GPC5: variants seen among roughly 807,000 people sequenced by gnomAD.
The protein encoded by GPC5 is glypican 5.
GPC5 carries 47 observed loss-of-function variants against 53.9 expected under a neutral mutation model. The ratio of observed to expected loss-of-function variants is 0.87; its 90% confidence interval spans 0.69 to 1.11. The LOEUF is 1.11. GPC5 is among the 50% of genes most tolerant of loss of function. The pLI, the probability that GPC5 is intolerant of heterozygous loss-of-function variation, is 0.00. For missense variants in GPC5, 748 were observed against 713.1 expected, an observed-to-expected ratio of 1.05 and a Z score of -0.56; for synonymous variants, 286 against 263.3, an observed-to-expected ratio of 1.09 and a Z score of -0.84.
rs530282970 is a variant in GPC5 at position 92,019,211 on chromosome 13, A to C, written c.1401+111154A>C. Among the ~76,000 whole-genome samples, 13 of 151,958 alleles carry C rather than the reference A, an allele frequency of 8.6e-5. 1 individual carries two copies. The highest frequency in any genetic ancestry group is 7.7e-4 in the East Asian group (4 of 5,178). ...TATTACATACACATACTCTCTCTCT[A>C]TATATATTAAGCTCTATATATTATA... On this transcript the variant is annotated intron_variant, in intron 6 of 7. Transcript: ENST00000377067.
At chr13:92,606,501 G>T (rs534640230) in intron 7 of GPC5, among the ~76,000 whole-genome samples, 1 of 152,200 alleles carries the variant, frequency 6.6e-6, no homozygotes, top group East Asian at 1.9e-4. Flanking sequence ...TGGACATTTG[G>T]GTTGGTTCCA....
chr13:91,869,108 G>A (rs926389391), intron 5 of GPC5, among the ~76,000 whole-genome samples: 4 of 152,046 alleles, frequency 2.6e-5, no homozygotes, highest in East Asian at 3.9e-4. Flanking sequence ...CATTGGCGTG[G>A]GAGTGCCTTG....
chr13:91,629,784 C>T (rs779388977), intron 2 of GPC5, among the ~76,000 whole-genome samples: 16 of 151,996 alleles, frequency 1.1e-4, no homozygotes, highest in Non-Finnish European at 1.8e-4. Flanking sequence ...TGTTTTGAAT[C>T]ATTCTTTTTG....
rs1118526 is a variant in GPC5 at position 91,702,567 on chromosome 13, A to G, written c.1020+8686A>G. Among the ~76,000 whole-genome samples the G allele has an allele frequency of 8.5e-5, 13 of 152,190 alleles. No homozygotes were observed. In the South Asian group the frequency reaches 1.9e-3, roughly 22 times the overall value. ...ATTATAACTTTGTAGTATATTTTGAAGTCAGGCAGTGTGATGCCTTATTCT... is the reference window on the plus strand; with the variant it reads ...ATTATAACTTTGTAGTATATTTTGAGGTCAGGCAGTGTGATGCCTTATTCT... On this transcript the variant is annotated intron_variant, in intron 3 of 7. Transcript: ENST00000377067.
intron 5 of GPC5, among the ~76,000 whole-genome samples, chr13:91,794,178 G>A (rs1422467012): frequency 6.6e-6 from 1 of 152,056 alleles, no homozygotes; most frequent in Non-Finnish European, 1.5e-5. Context: ...TCCTTAAAGT[G>A]TAAATCTCTA....
At chr13:91,755,962 C>T (rs901376515) in intron 4 of GPC5, among the ~76,000 whole-genome samples, 1 of 151,250 alleles carries the variant, frequency 6.6e-6, no homozygotes, top group Non-Finnish European at 1.5e-5. Context: ...TGATGTCGTT[C>T]TTTATGCATC....
intron 6 of GPC5, among the ~76,000 whole-genome samples, chr13:92,000,239 G>A (rs2040542498): frequency 6.6e-6 from 1 of 150,604 alleles, no homozygotes; most frequent in South Asian, 2.1e-4. Context: ...CCGAGACACT[G>A]AGCACAAACA....
At chr13:91,621,943 C>T (rs1209539158) in intron 2 of GPC5, among the ~76,000 whole-genome samples, 2 of 151,800 alleles carry the variant, frequency 1.3e-5, no homozygotes, top group Non-Finnish European at 1.5e-5. Flanking sequence ...TGGCCGAAGG[C>T]CTGAGAGCCC....
intron 2 of GPC5, among the ~76,000 whole-genome samples, chr13:91,533,217 G>A (rs1490724950): frequency 6.6e-6 from 1 of 152,172 alleles, no homozygotes; most frequent in Non-Finnish European, 1.5e-5. Flanking sequence ...GAGTGACTCT[G>A]AGGTGACAGG....
At chr13:92,560,088 A>C (rs1233478319) in intron 7 of GPC5, among the ~76,000 whole-genome samples, 1 of 151,870 alleles carries the variant, frequency 6.6e-6, no homozygotes, top group Non-Finnish European at 1.5e-5. Context: ...GCATGAATGA[A>C]AGACAATTAT....
intron 7 of GPC5, among the ~76,000 whole-genome samples, chr13:92,582,030 G>A (rs543424789): frequency 6.6e-6 from 1 of 151,850 alleles, no homozygotes; most frequent in Non-Finnish European, 1.5e-5. Flanking sequence ...CTGTTTCCTC[G>A]GCTATGCAGA....
At chr13:92,823,406 C>T (rs1877740067) in intron 7 of GPC5, among the ~76,000 whole-genome samples, 1 of 151,902 alleles carries the variant, frequency 6.6e-6, no homozygotes, top group South Asian at 2.1e-4. Context: ...AGCTGATTTG[C>T]TATAATATAA....
Position 92,377,217 on chromosome 13 carries a change from T to G in GPC5, c.1561+232228T>G, listed in dbSNP as rs2043702632. Among the ~76,000 whole-genome samples, 3 of 152,162 alleles carry G rather than the reference T, an allele frequency of 2.0e-5. No individual in the cohort carries two copies. The South Asian group carries it at 6.2e-4, about 32-fold the overall frequency. On this transcript the variant is annotated intron_variant, in intron 7 of 7. Coordinates refer to ENST00000377067, the MANE Select transcript of GPC5 (RefSeq NM_004466.6). ...GTGCTGTAGTTTTCACTATGAAGTT[T>G]CATTACACTTTGCATGCCTGTGTTC...
intron 2 of GPC5, among the ~76,000 whole-genome samples, chr13:91,620,556 G>A (rs941729436): frequency 5.9e-5 from 9 of 152,232 alleles, no homozygotes; most frequent in Admixed American, 5.2e-4. Context: ...TTGGTAAACT[G>A]TCAGATTCAT....
intron 7 of GPC5, among the ~76,000 whole-genome samples, chr13:92,598,369 G>T (rs568255199): frequency 6.6e-6 from 1 of 151,932 alleles, no homozygotes; most frequent in Non-Finnish European, 1.5e-5. Context: ...TTTTTCATGT[G>T]TTTGGAATGT....
chr13:91,574,271 A>T (rs1004741441), intron 2 of GPC5, among the ~76,000 whole-genome samples: 1 of 152,172 alleles, frequency 6.6e-6, no homozygotes, highest in Non-Finnish European at 1.5e-5. Flanking sequence ...TAGATAAGCC[A>T]CTTAAACCAA....
chr13:92,446,479 A>C (rs1056555983), intron 7 of GPC5: 1 of 151,036 alleles, frequency 6.6e-6, no homozygotes, highest in Admixed American at 6.7e-5. Context: ...TTTTATGGCT[A>C]GATAGTGCTC....
chr13:92,131,743 GA>G (rs1253981324), intron 6 of GPC5, among the ~76,000 whole-genome samples: 7 of 151,752 alleles, frequency 4.6e-5, no homozygotes, highest in African/African-American at 1.2e-4. Flanking sequence ...TTTCTAAGAT[GA>G]TTTTTTTTAT....
intron 7 of GPC5, among the ~76,000 whole-genome samples, chr13:92,611,344 C>T (rs749169321): frequency 3.7e-4 from 57 of 152,132 alleles, no homozygotes; most frequent in Non-Finnish European, 6.6e-4. Flanking sequence ...CTTTGAGAAT[C>T]AGGCATCTTC....
Sources: gnomAD v4.1 joint callset for allele counts (sites outside exome capture counted in the v4.1 genomes callset) on GRCh38, gnomAD v4.1.1 for gene constraint, MANE v1.5 for transcripts, NCBI Gene and HGNC (gene_info 2026-07-23, HGNC 2026-07-21) for gene names.